The following PTPN13 variants were observed in gnomAD, a reference collection of about 807,000 sequenced individuals.
PTPN13 encodes the protein protein tyrosine phosphatase non-receptor type 13, also known as tyrosine-protein phosphatase non-receptor type 13.
Under a neutral mutation model 284.0 loss-of-function variants are expected in PTPN13, and 191 were observed. The ratio of observed to expected loss-of-function variants is 0.67; its 90% CI spans 0.60 to 0.76. PTPN13 has a LOEUF of 0.76. Ranked by LOEUF, PTPN13 falls within the 30% of genes least tolerant of loss-of-function variation. The pLI is 0.00. For missense variants in PTPN13, 2,797 were observed against 2,939.9 expected (o/e 0.95, Z 1.12); for synonymous variants, 986 against 1,022.3 (o/e 0.96, Z 0.68).
At chr4:86,719,900 T>C (rs1733468643) in intron 9 of PTPN13, among the ~76,000 whole-genome samples, 1 of 152,224 alleles carries the variant, frequency 6.6e-6, no homozygotes, top group Admixed American at 6.5e-5. Flanking sequence ...GCAAATATTT[T>C]ATCCCATTTT....
intron 40 of PTPN13, among the ~76,000 whole-genome samples, chr4:86,793,018 G>A (rs13109738): frequency 0.1 from 15,162 of 152,114 alleles, 874 homozygotes; most frequent in Non-Finnish European, 0.11. Context: ...AATATTAACC[G>A]TAAGTGTGTA....
chr4:86,649,044 G>A (rs1396723126), intron 2 of PTPN13, among the ~76,000 whole-genome samples: 1 of 151,976 alleles, frequency 6.6e-6, no homozygotes, highest in Non-Finnish European at 1.5e-5. Context: ...TGTCTATTCA[G>A]ATCCTTTGCC....
At chr4:86,788,913 G>C (rs917160716) in intron 40 of PTPN13, among the ~76,000 whole-genome samples, 4 of 152,188 alleles carry the variant, frequency 2.6e-5, no homozygotes, top group African/African-American at 9.7e-5. Context: ...TACAAAGAAG[G>C]GGGGAAATGG....
At chr4:86,770,759 A>G (rs1447957449) in intron 30 of PTPN13, among the ~76,000 whole-genome samples, 1 of 152,208 alleles carries the variant, frequency 6.6e-6, no homozygotes, top group Non-Finnish European at 1.5e-5. Context: ...AAAAATTTAC[A>G]TACAAAGAAG....
At chr4:86,783,438 A>C (rs1281590749) in intron 37 of PTPN13, among the ~76,000 whole-genome samples, 1 of 152,116 alleles carries the variant, frequency 6.6e-6, no homozygotes, top group Non-Finnish European at 1.5e-5. Context: ...TGTTGAAAGA[A>C]AGAAGAGTTG....
chr4:86,715,227 T>C (rs1322194291), intron 7 of PTPN13, among the ~76,000 whole-genome samples: 1 of 148,468 alleles, frequency 6.7e-6, no homozygotes, highest in African/African-American at 2.4e-5. Flanking sequence ...TATGTGTGTG[T>C]GTATATACGT....
At chr4:86,646,503 G>A (rs1329696766) in intron 2 of PTPN13, among the ~76,000 whole-genome samples, 5 of 152,068 alleles carry the variant, frequency 3.3e-5, no homozygotes, top group African/African-American at 1.2e-4. Flanking sequence ...TTGCCATCTT[G>A]GCCAGGCTGG....
chr4:86,638,143 G>C (rs1578307273), intron 2 of PTPN13, among the ~76,000 whole-genome samples: 1 of 152,070 alleles, frequency 6.6e-6, no homozygotes, highest in Non-Finnish European at 1.5e-5. Flanking sequence ...ACCTCTTCAA[G>C]GAGAACTACA....
At chr4:86,723,903 T>G (rs890898546) in intron 10 of PTPN13, among the ~76,000 whole-genome samples, 1 of 152,208 alleles carries the variant, frequency 6.6e-6, no homozygotes, top group Non-Finnish European at 1.5e-5. Context: ...CTGTTTTCAT[T>G]TTCTGTTCTT....
intron 7 of PTPN13, among the ~76,000 whole-genome samples, chr4:86,705,297 G>A (rs1292889815): frequency 4.3e-5 from 6 of 139,878 alleles, no homozygotes; most frequent in Non-Finnish European, 9.0e-5. Flanking sequence ...TCGTGCCATT[G>A]CACTGCAGCC....
At chr4:86,677,199 A>G (rs1449998157) in intron 3 of PTPN13, among the ~76,000 whole-genome samples, 1 of 151,978 alleles carries the variant, frequency 6.6e-6, no homozygotes, top group Non-Finnish European at 1.5e-5. Context: ...CCTGGGAGGC[A>G]GAGCTTGCAG....
At chr4:86,674,890 G>A (rs1214560535) in intron 3 of PTPN13, among the ~76,000 whole-genome samples, 2 of 152,008 alleles carry the variant, frequency 1.3e-5, no homozygotes, top group African/African-American at 2.4e-5. Flanking sequence ...TACATTGTAC[G>A]ATTCATTTAA....
intron 9 of PTPN13, among the ~76,000 whole-genome samples, chr4:86,718,334 C>T (rs1227670148): frequency 6.6e-6 from 1 of 152,148 alleles, no homozygotes; most frequent in Non-Finnish European, 1.5e-5. Context: ...CACTGTTTCA[C>T]ACCTGTAAAC....
chr4:86,775,299 T>C lies in PTPN13; in HGVS notation c.5637T>C (p.His1879=). Residue 1879 remains histidine, a synonymous_variant, in exon 34 of 48, where the codon CAT becomes CAC. Transcript: ENST00000411767. ...LELPRIPMLP[H]LLPDITLTCN... is the part of the protein sequence containing the mutation. ...TACCCAGAATACCAATGTTGCCTCATTTGCTACCGGACATAACACTAACGT... is the reference window on the plus strand; with the variant it reads ...TACCCAGAATACCAATGTTGCCTCACTTGCTACCGGACATAACACTAACGT... 6.2e-7 allele frequency: 1 copy of C among 1,613,386 alleles called. No individual in the cohort carries two copies.
At chr4:86,786,137 TA>T (rs1322130306) in intron 40 of PTPN13, among the ~76,000 whole-genome samples, 4 of 150,206 alleles carry the variant, frequency 2.7e-5, no homozygotes, top group Admixed American at 6.6e-5. Flanking sequence ...TTTCTCAAAT[TA>T]AAAAAAATAG....
At chr4:86,789,847 T>A (rs1742412789) in intron 40 of PTPN13, among the ~76,000 whole-genome samples, 1 of 151,552 alleles carries the variant, frequency 6.6e-6, no homozygotes. Context: ...TGTAGCTTTT[T>A]TTTTTTTTTT....
intron 1 of PTPN13, among the ~76,000 whole-genome samples, chr4:86,630,107 A>G (rs906747675): frequency 6.6e-6 from 1 of 152,058 alleles, no homozygotes; most frequent in Non-Finnish European, 1.5e-5. Flanking sequence ...TATTTTTTCT[A>G]TTTATACATG....
intron 15 of PTPN13, among the ~76,000 whole-genome samples, chr4:86,736,777 C>T (rs1735568158): frequency 6.6e-6 from 1 of 152,144 alleles, no homozygotes; most frequent in Non-Finnish European, 1.5e-5. Flanking sequence ...AGCTGAGTGA[C>T]CTTGAACAAT....
chr4:86,647,936 C>G (rs1724625553), intron 2 of PTPN13, among the ~76,000 whole-genome samples: 1 of 152,020 alleles, frequency 6.6e-6, no homozygotes. Flanking sequence ...CTAACTTAAA[C>G]CGTCCATTCT....
Sources: allele counts gnomAD v4.1 joint callset (sites outside exome capture counted in the v4.1 genomes callset), GRCh38; gene constraint gnomAD v4.1.1; transcripts MANE v1.5; gene names NCBI Gene and HGNC (gene_info 2026-07-23, HGNC 2026-07-21).